Variants in CERS3 observed in about 807,000 individuals in gnomAD.
CERS3 encodes the protein LAG1 homolog, ceramide synthase 3.
In CERS3, 33 loss-of-function variants were observed where a neutral mutation model predicts 50.3. That is an observed-to-expected ratio of 0.66 (90% CI 0.50 to 0.88). The LOEUF is 0.88. CERS3 is among the 40% of genes least tolerant of loss of function. The probability of loss-of-function intolerance (pLI) is 0.00; values close to 1 mark genes in which losing one functional copy is unlikely to be tolerated. For synonymous variants in CERS3, 176 were observed against 155.2 expected (o/e 1.13, Z -0.99); for missense variants, 470 against 460.3 (o/e 1.02, Z -0.19).
Position 100,467,730 on chromosome 15 carries a change from CA to C in CERS3, c.845+1647del, listed in dbSNP as rs557705377. ...CATCAGCAAGTCAATATTATTCTAT[CA>C]ATAATTGCTATCATTCTCTCTCTCT... is the stretch of plus-strand genomic sequence containing the variant. On this transcript the variant is annotated intron_variant, in intron 10 of 11. Coordinates refer to ENST00000679737, the MANE Select transcript of CERS3 (RefSeq NM_001378789.1). Among the ~76,000 whole-genome samples the C allele has an allele frequency of 2.0e-3, 265 of 130,946 alleles. 2 individuals are homozygous for C. The highest frequency in any genetic ancestry group is 6.6e-3 in the African/African-American group (245 of 37,324). The allele number at this position is 130,946 out of a possible 152,430, so 85.9% of individuals were successfully genotyped here.
Position 100,542,887 on chromosome 15 carries a change from ACT to A in CERS3, c.-355+1762_-355+1763del, listed in dbSNP as rs1175664750. On this transcript the variant is annotated intron_variant, in intron 1 of 12. Coordinates refer to the CERS3 transcript ENST00000284382. ...TATCTATGCTATCTGTTTGTGATAAACTCTGTTGCCTATTCAGGTCAAATTTT... is the reference window on the plus strand; with the variant it reads ...TATCTATGCTATCTGTTTGTGATAAACTGTTGCCTATTCAGGTCAAATTTT... Among the ~76,000 whole-genome samples, 7 of 151,840 alleles carry A rather than the reference ACT, an allele frequency of 4.6e-5. No homozygotes were observed. In the East Asian group the frequency reaches 1.2e-3, roughly 25 times the overall value.
intron 11 of CERS3, among the ~76,000 whole-genome samples, chr15:100,442,000 A>G (rs930320381): frequency 1.3e-5 from 2 of 151,730 alleles, no homozygotes; most frequent in African/African-American, 4.8e-5. Flanking sequence ...ACCATATAAT[A>G]CTTATATCAC....
intron 2 of CERS3, among the ~76,000 whole-genome samples, chr15:100,508,785 T>C (rs756881882): frequency 1.2e-4 from 19 of 152,164 alleles, no homozygotes; most frequent in Non-Finnish European, 2.9e-5. Context: ...ATGTACTTAT[T>C]TACCCCCGGG....
chr15:100,497,743 A>G (rs2035864059), intron 3 of CERS3, among the ~76,000 whole-genome samples: 1 of 152,120 alleles, frequency 6.6e-6, no homozygotes, highest in African/African-American at 2.4e-5. Flanking sequence ...GATATGAGGA[A>G]TAAATACCTG....
At chr15:100,490,609 T>TG (rs2035620911) in intron 4 of CERS3, among the ~76,000 whole-genome samples, 1 of 152,242 alleles carries the variant, frequency 6.6e-6, no homozygotes, top group Non-Finnish European at 1.5e-5. Flanking sequence ...GTTCAACTGT[T>TG]AATATTTGTT....
intron 1 of CERS3, among the ~76,000 whole-genome samples, chr15:100,534,859 T>C (rs1230017666): frequency 6.6e-6 from 1 of 152,058 alleles, no homozygotes; most frequent in Non-Finnish European, 1.5e-5. Flanking sequence ...TTCTAAGTGC[T>C]TTTCAATATA....
Position 100,479,469 on chromosome 15 carries a change from G to T in CERS3, c.475C>A (p.Leu159Ile). 6.3e-7 allele frequency: 1 copy of T among 1,599,836 alleles called. No homozygotes were observed. Among genetic ancestry groups the T allele is most frequent in the Non-Finnish European group, 8.5e-7 (1 of 1,175,408 alleles). ...TTCCAAACCTCCCATAAGTCATATA[G>T]CCAAGGTTTCTGAAAGAAGAAAAAA... is the stretch of plus-strand genomic sequence containing the variant. ...GIAFLYDKPWLYDLWEVWNGY... is the reference protein window; with the variant it reads ...GIAFLYDKPWIYDLWEVWNGY... The change falls in exon 7 of 12, where the codon CTA becomes ATA. Residue 159 changes from leucine to isoleucine, a missense_variant. By Grantham distance (5) the Leu-to-Ile change is conservative. Transcript: ENST00000679737.
upstream of CERS3, among the ~76,000 whole-genome samples, chr15:100,531,838 T>C (rs1044104956): frequency 6.6e-6 from 1 of 152,248 alleles, no homozygotes; most frequent in African/African-American, 2.4e-5. Context: ...CTTATTAGCA[T>C]GTTAATGATT....
At chr15:100,481,759 C>A (rs2035307270) in intron 5 of CERS3, among the ~76,000 whole-genome samples, 1 of 152,168 alleles carries the variant, frequency 6.6e-6, no homozygotes, top group South Asian at 2.1e-4. Flanking sequence ...ATACTCAGAT[C>A]CAAGAGTACA....
intron 2 of CERS3, among the ~76,000 whole-genome samples, chr15:100,516,397 A>T (rs992685314): frequency 6.6e-6 from 1 of 152,088 alleles, no homozygotes; most frequent in Non-Finnish European, 1.5e-5. Context: ...GCAACTCAAT[A>T]TCTCTGAATC....
intron 2 of CERS3, among the ~76,000 whole-genome samples, chr15:100,503,199 A>G (rs2036063632): frequency 6.6e-6 from 1 of 152,188 alleles, no homozygotes; most frequent in Non-Finnish European, 1.5e-5. Context: ...AAACCTCTTA[A>G]TCGGGAAATA....
At chr15:100,415,788 C>T (rs190302858) in intron 11 of CERS3, among the ~76,000 whole-genome samples, 5 of 109,664 alleles carry the variant, frequency 4.6e-5, no homozygotes, top group Non-Finnish European at 8.2e-5. Flanking sequence ...CAGGGCCTGT[C>T]GGGGGGCAGG....
intron 2 of CERS3, among the ~76,000 whole-genome samples, chr15:100,513,524 G>A (rs373165108): frequency 5.8e-5 from 8 of 136,836 alleles, no homozygotes; most frequent in Admixed American, 1.6e-4. Context: ...AAAAGGCAAA[G>A]TTCTTGTTTT....
intron 3 of CERS3, among the ~76,000 whole-genome samples, chr15:100,496,166 G>A (rs907035719): frequency 6.6e-6 from 1 of 152,176 alleles, no homozygotes; most frequent in Admixed American, 6.5e-5. Flanking sequence ...GTGCCTTGAA[G>A]AGCAAATGTT....
chr15:100,430,018 G>A (rs1168642493), intron 11 of CERS3, among the ~76,000 whole-genome samples: 1 of 151,572 alleles, frequency 6.6e-6, no homozygotes, highest in Non-Finnish European at 1.5e-5. Flanking sequence ...ATGATTGCAA[G>A]AATGACCAAA....
chr15:100,468,859 G>A (rs2034870471), intron 10 of CERS3, among the ~76,000 whole-genome samples: 1 of 152,090 alleles, frequency 6.6e-6, no homozygotes, highest in Non-Finnish European at 1.5e-5. Flanking sequence ...TAGAACCAGT[G>A]GTCATAGAGA....
rs2035220765 is a variant in CERS3 at position 100,479,033 on chromosome 15, A to G, written c.516+395T>C. ...ACTGCAATAAGTCAAGGACATATACAGTAATGTCCAAGATAATTACTAGAA... is the reference window on the plus strand; with the variant it reads ...ACTGCAATAAGTCAAGGACATATACGGTAATGTCCAAGATAATTACTAGAA... On this transcript the variant is annotated intron_variant, in intron 7 of 11. Transcript: ENST00000679737. Among the ~76,000 whole-genome samples the G allele has an allele frequency of 1.3e-5, 2 of 152,320 alleles. 1 individual carries two copies. The highest frequency in any genetic ancestry group is 6.8e-3 in the Middle Eastern group (2 of 294).
In CERS3 at chr15:100,402,030, C is replaced by T. The variant is rs1410122763; in HGVS notation, c.*683G>A. ...TTAAGAGGAATTTTTAAAGATTCTG[C>T]CTTTTGTTCAGGCCCATTGCAGTGC... On this transcript the variant is annotated 3_prime_UTR_variant, in exon 12 of 12. Coordinates refer to ENST00000679737, the MANE Select transcript of CERS3 (RefSeq NM_001378789.1). 1 of 152,248 alleles carries T rather than the reference C, an allele frequency of 6.6e-6. No homozygotes were observed. The highest frequency in any genetic ancestry group is 1.5e-5 in the Non-Finnish European group (1 of 68,056). The allele number at this position is 152,248 out of a possible 1,614,324, so 9.4% of individuals were successfully genotyped here.
chr15:100,513,463 C>T (rs1358049292), intron 2 of CERS3, among the ~76,000 whole-genome samples: 1 of 152,118 alleles, frequency 6.6e-6, no homozygotes, highest in East Asian at 1.9e-4. Flanking sequence ...CTCTTCCCCT[C>T]AGTCTGTGAT....
Sources: gnomAD v4.1 joint callset for allele counts (sites outside exome capture counted in the v4.1 genomes callset) on GRCh38, gnomAD v4.1.1 for gene constraint, MANE v1.5 for transcripts, NCBI Gene and HGNC (gene_info 2026-07-23, HGNC 2026-07-21) for gene names.